Variants in USP54 observed in about 807,000 individuals in gnomAD.
USP54 encodes the protein ubiquitin carboxyl-terminal hydrolase 54.
A neutral mutation model predicts 170.5 loss-of-function variants in USP54; 87 were observed. That is an observed-to-expected ratio of 0.51 (90% confidence interval 0.43 to 0.61). The LOEUF (loss-of-function observed/expected upper bound fraction) is 0.61, where lower values mean the gene tolerates loss of function less well. Ranked by LOEUF, USP54 falls within the 20% of genes least tolerant of loss-of-function variation. The pLI, the probability that USP54 is intolerant of heterozygous loss-of-function variation, is 0.00. For missense variants in USP54, 1,786 were observed against 2,047.8 expected (o/e 0.87, Z 2.47); for synonymous variants, 655 against 742.8 (o/e 0.88, Z 1.92).
intron 15 of USP54, among the ~76,000 whole-genome samples, chr10:73,527,959 GA>G (rs2063241842): frequency 6.6e-6 from 1 of 152,032 alleles, no homozygotes; most frequent in African/African-American, 2.4e-5. Context: ...TTTTGAGATG[GA>G]GTTTCGCTCT....
intron 1 of USP54, among the ~76,000 whole-genome samples, chr10:73,619,361 G>A (rs1287924622): frequency 6.7e-6 from 1 of 149,776 alleles, no homozygotes; most frequent in Non-Finnish European, 1.5e-5. Context: ...CTACGTAGCT[G>A]GGGTTACAGG....
chr10:73,599,413 A>G (rs1307157059), intron 1 of USP54, among the ~76,000 whole-genome samples: 1 of 152,192 alleles, frequency 6.6e-6, no homozygotes, highest in Non-Finnish European at 1.5e-5. Context: ...AATACTGCAT[A>G]TCATGTTTAG....
chr10:73,528,734 TA>T (rs1383998178), intron 15 of USP54, among the ~76,000 whole-genome samples: 1 of 152,178 alleles, frequency 6.6e-6, no homozygotes, highest in East Asian at 1.9e-4. Flanking sequence ...CATGCCTCAC[TA>T]ATTTTTGTGC....
chr10:73,536,226 A>G, intron 11 of USP54, 43 bp downstream of exon 11: 1 of 1,607,462 alleles, frequency 6.2e-7, no homozygotes. Flanking sequence ...GTTTGATCGC[A>G]TGGGGTGAGG....
intron 1 of USP54, among the ~76,000 whole-genome samples, chr10:73,613,075 T>C (rs1297148068): frequency 6.6e-6 from 1 of 150,466 alleles, no homozygotes; most frequent in Non-Finnish European, 1.5e-5. Context: ...GAGGATTGCT[T>C]AAGCCCAGGA....
chr10:73,551,517 A>C (rs756472604), intron 4 of USP54, among the ~76,000 whole-genome samples: 2 of 152,170 alleles, frequency 1.3e-5, no homozygotes, highest in Non-Finnish European at 2.9e-5. Flanking sequence ...GGGATTTTGA[A>C]CCTTTGGAGA....
chr10:73,613,132 C>CTTT (rs967595386), intron 1 of USP54, among the ~76,000 whole-genome samples: 1 of 127,406 alleles, frequency 7.8e-6, no homozygotes, highest in African/African-American at 3.0e-5. Context: ...ATTCCAGCCT[C>CTTT]TTTTTTTTTT....
At position 73,508,025 on chromosome 10, in the gene USP54, A is replaced by G. The variant is rs912063592; in HGVS notation, c.4052-2599T>C. 2.6e-5 allele frequency among the ~76,000 whole-genome samples: 4 copies of G among 152,178 alleles called. No individual in the cohort carries two copies. In the East Asian group the frequency reaches 7.7e-4, roughly 29 times the overall value. ...AAAAAAGATTTACAGAGTAATGTTT[A>G]GAATTGGGTGTTCCTCTAATCAAGC... On this transcript the variant is annotated intron_variant, in intron 20 of 23. Transcript: ENST00000687698.
At chr10:73,581,736 T>A (rs552565921) in intron 1 of USP54, among the ~76,000 whole-genome samples, 38 of 152,348 alleles carry the variant, frequency 2.5e-4, no homozygotes, top group African/African-American at 8.9e-4. Context: ...AAGAAACATC[T>A]AATGTTATTC....
chr10:73,530,972 C>G, intron 12 of USP54, 137 bp from the exon 13 acceptor site: 8 of 1,238,340 alleles, frequency 6.5e-6, no homozygotes, highest in Non-Finnish European at 7.8e-6. Flanking sequence ...CATAGGCTAT[C>G]TGATTTCAGT....
rs1300702348 is a variant in USP54, at chr10:73,530,500, C to T, written c.1471G>A (p.Ala491Thr). The T allele has an allele frequency of 6.2e-6, 10 of 1,609,104 alleles. No homozygotes were observed. Among genetic ancestry groups the T allele is most frequent in the Non-Finnish European group, 2.5e-6 (3 of 1,178,582 alleles). ...GATGGTTTGGAGGCATTTCTAGGAG[C>T]CTGCTTCTCTTTCAGTGTTTCTCCT... ...SEGETLKEKQ[A>T]PRNASKPSSS... Residue 491 changes from alanine (A) to threonine (T), a missense_variant, in exon 14 of 24, where the codon GCT becomes ACT. Around this residue, in one of 3 missense-constraint regions of USP54, gnomAD observed 1,418 missense variants for 1,569.0 expected, o/e 0.90. Coordinates refer to ENST00000687698, the MANE Select transcript of USP54 (RefSeq NM_001391956.1).
At chr10:73,514,410 A>G (rs1183708423) in intron 20 of USP54, among the ~76,000 whole-genome samples, 1 of 151,870 alleles carries the variant, frequency 6.6e-6, no homozygotes, top group Non-Finnish European at 1.5e-5. Context: ...AAAAATATAA[A>G]AATTAGCTGG....
chr10:73,579,112 T>A (rs893852790), intron 1 of USP54, among the ~76,000 whole-genome samples: 1 of 149,878 alleles, frequency 6.7e-6, no homozygotes, highest in African/African-American at 2.5e-5. Context: ...ATTACAGGCA[T>A]GCACCACCAT....
In USP54 at chr10:73,523,636, C is replaced by A; in HGVS notation, c.2309G>T (p.Gly770Val). ...GAAGCGGCTAGGATGAGGGTTAAAC[C>A]CTTTCGCTGCCTCTAACTCCTTCTC... Reference protein sequence around the residue: ...KREKELEAAKGFNPHPSRFMD... With the variant: ...KREKELEAAKVFNPHPSRFMD... The change falls in exon 17 of 24, where the codon GGG becomes GTG. Residue 770 changes from glycine to valine, a missense_variant. Physicochemically the swap from Gly to Val is moderately radical, Grantham distance 109. This residue lies in a region of USP54 where 1,418 missense variants were observed against 1,569.0 expected (regional missense o/e 0.90). Transcript: ENST00000687698. 1 of 1,613,490 alleles carries A rather than the reference C, an allele frequency of 6.2e-7. No individual in the cohort carries two copies. The highest frequency in any genetic ancestry group is 1.1e-5 in the South Asian group (1 of 91,018).
At chr10:73,526,227 T>G (rs2062814557) in intron 16 of USP54, among the ~76,000 whole-genome samples, 1 of 152,196 alleles carries the variant, frequency 6.6e-6, no homozygotes, top group Admixed American at 6.5e-5. Context: ...ATTTACATTC[T>G]GATGGAATAC....
upstream of USP54, among the ~76,000 whole-genome samples, chr10:73,594,819 C>T (rs2078594507): frequency 6.6e-6 from 1 of 151,938 alleles, no homozygotes; most frequent in Non-Finnish European, 1.5e-5. Flanking sequence ...ATATTCTAGC[C>T]TTTGACTCTA....
chr10:73,572,945 G>A (rs543249665), intron 3 of USP54, among the ~76,000 whole-genome samples: 1 of 152,096 alleles, frequency 6.6e-6, no homozygotes, highest in Non-Finnish European at 1.5e-5. Flanking sequence ...TATTTTGCCT[G>A]CTTCTAAATC....
At chr10:73,539,917 G>A (rs2066219847) in intron 9 of USP54, among the ~76,000 whole-genome samples, 1 of 151,518 alleles carries the variant, frequency 6.6e-6, no homozygotes, top group Admixed American at 6.6e-5. Context: ...CTTGAGGTCA[G>A]GTATTCGAGA....
At chr10:73,622,858 C>T (rs1191209338) in intron 1 of USP54, among the ~76,000 whole-genome samples, 2 of 151,664 alleles carry the variant, frequency 1.3e-5, no homozygotes, top group Admixed American at 6.6e-5. Context: ...CAAGAGGATT[C>T]CTTAAACCCA....
Sources: allele counts gnomAD v4.1 joint callset (sites outside exome capture counted in the v4.1 genomes callset), GRCh38; gene constraint gnomAD v4.1.1; regional missense constraint gnomAD v4.1.1; transcripts MANE v1.5; gene names NCBI Gene and HGNC (gene_info 2026-07-23, HGNC 2026-07-21).